Variants in PLB1 observed in about 807,000 individuals in gnomAD.
The protein encoded by PLB1 is phospholipase B1, membrane-associated.
Under a neutral mutation model 227.4 loss-of-function variants are expected in PLB1, and 242 were observed. That is an observed-to-expected ratio of 1.06 (90% CI 0.96 to 1.18). PLB1 has a LOEUF of 1.18. PLB1 is among the 50% of genes most tolerant of loss of function. PLB1 has a pLI of 0.00. For missense variants in PLB1, 1,858 were observed against 1,816.3 expected (o/e 1.02, Z -0.42); for synonymous variants, 757 against 682.2 (o/e 1.11, Z -1.71).
At chr2:28,518,395 C>T in intron 2 of PLB1, 71 bp from the exon 3 acceptor site, 6 of 1,194,792 alleles carry the variant, frequency 5.0e-6, no homozygotes, top group South Asian at 1.2e-5. Flanking sequence ...CATTTCTACA[C>T]CAAGTTTTCA....
At chr2:28,546,193 C>T (rs1027557142) in intron 14 of PLB1, among the ~76,000 whole-genome samples, 2 of 152,324 alleles carry the variant, frequency 1.3e-5, no homozygotes, top group Middle Eastern at 3.4e-3. Context: ...GTCTGGGACA[C>T]GGTTCATTCC....
intron 14 of PLB1, among the ~76,000 whole-genome samples, chr2:28,545,836 CTG>C (rs1673174473): frequency 6.6e-6 from 1 of 152,112 alleles, no homozygotes; most frequent in Admixed American, 6.5e-5. Context: ...GGGCTGCCCT[CTG>C]TGTGGGGAGC....
chr2:28,521,173 C>T (rs1215623311), intron 4 of PLB1, among the ~76,000 whole-genome samples: 8 of 152,148 alleles, frequency 5.3e-5, no homozygotes, highest in African/African-American at 1.4e-4. Context: ...TTCATTCACC[C>T]GTCAGTGGAC....
intron 49 of PLB1, among the ~76,000 whole-genome samples, chr2:28,622,850 C>G (rs930368247): frequency 2.0e-5 from 3 of 152,182 alleles, no homozygotes; most frequent in Non-Finnish European, 4.4e-5. Context: ...CGTGCCATTG[C>G]ACTCCAGCCC....
chr2:28,525,968 A>G lies in PLB1; in HGVS notation c.325+23A>G, dbSNP rs189343052. 1.1e-3 allele frequency: 1,799 copies of G among 1,613,926 alleles called. 20 individuals are homozygous for G. In the Middle Eastern group the frequency reaches 0.02, roughly 18 times the overall value. ...CAGGTGAGTTGTGGTTTTCACGGCC[A>G]GATTTCAGAGTGCCCCTCTCCTTCC... On this transcript the variant is annotated intron_variant, in intron 6 of 57. Transcript: ENST00000327757.
At chr2:28,586,064 C>T (rs181452551) in intron 26 of PLB1, among the ~76,000 whole-genome samples, 1 of 152,334 alleles carries the variant, frequency 6.6e-6, no homozygotes, top group Non-Finnish European at 1.5e-5. Flanking sequence ...CACTGAATCT[C>T]AGTTCCTGGT....
intron 57 of PLB1, among the ~76,000 whole-genome samples, chr2:28,641,999 G>T (rs540892046): frequency 3.3e-5 from 5 of 152,014 alleles, no homozygotes; most frequent in Non-Finnish European, 5.9e-5. Flanking sequence ...ACGACTGCCC[G>T]CATCCAGGCC....
At chr2:28,582,732 C>T (rs1680251684) in intron 25 of PLB1, among the ~76,000 whole-genome samples, 2 of 152,134 alleles carry the variant, frequency 1.3e-5, no homozygotes, top group Admixed American at 6.5e-5. Flanking sequence ...CCCTGCACCC[C>T]GCCTCTGTTG....
At chr2:28,541,555 G>A (rs1184094377) in intron 12 of PLB1, 152 bp from the exon 13 acceptor site, 1 of 611,652 alleles carries the variant, frequency 1.6e-6, no homozygotes, top group Non-Finnish European at 2.9e-6. Flanking sequence ...AGCCCTGAAG[G>A]GTGAGACAAG....
intron 32 of PLB1, among the ~76,000 whole-genome samples, chr2:28,593,341 T>A (rs1464998758): frequency 6.6e-6 from 1 of 152,220 alleles, no homozygotes; most frequent in African/African-American, 2.4e-5. Flanking sequence ...CGTAGGGGCA[T>A]AACGCTGGGA....
intron 1 of PLB1, among the ~76,000 whole-genome samples, chr2:28,506,328 A>G (rs1667632897): frequency 1.3e-5 from 2 of 152,154 alleles, no homozygotes; most frequent in African/African-American, 4.8e-5. Flanking sequence ...GTGAAACTCA[A>G]TTGCTCACTG....
intron 57 of PLB1, 43 bp from the exon 58 acceptor site, chr2:28,642,815 T>C: frequency 6.6e-7 from 1 of 1,504,198 alleles, no homozygotes. Context: ...TGATGGATGG[T>C]TCACGGAGAT....
At chr2:28,531,859 A>G (rs1351535250) in intron 8 of PLB1, among the ~76,000 whole-genome samples, 1 of 152,182 alleles carries the variant, frequency 6.6e-6, no homozygotes, top group Non-Finnish European at 1.5e-5. Context: ...GGGGAAATGA[A>G]ATAATTAGAT....
At chr2:28,629,442 C>T (rs1044995359) in intron 53 of PLB1, among the ~76,000 whole-genome samples, 5 of 152,234 alleles carry the variant, frequency 3.3e-5, no homozygotes, top group Non-Finnish European at 7.3e-5. Flanking sequence ...GGCTCCCTGA[C>T]ATTGTCAGTG....
In PLB1 at chr2:28,642,883, G is replaced by A. The variant is rs760214459; in HGVS notation, c.4199G>A (p.Arg1400Gln). 57 of 1,605,256 alleles carry A rather than the reference G, an allele frequency of 3.6e-5. No homozygotes were observed. Among genetic ancestry groups the A allele is most frequent in the Non-Finnish European group, 4.1e-5 (48 of 1,175,818 alleles). The change falls in exon 58 of 58, where the codon CGG becomes CAG. Residue 1400 changes from arginine (R) to glutamine (Q), a missense_variant. Physicochemically the swap from Arg to Gln is conservative, Grantham distance 43 (BLOSUM62 1). Transcript: ENST00000327757. The stretch of plus-strand genomic sequence containing the variant: ...GAGAGCCCTTACCTCTACACCCTGC[G>A]GAACAGCCGATTGCTCCCAGACCAG... ...SPESPYLYTLRNSRLLPDQAE... is the reference protein window; with the variant it reads ...SPESPYLYTLQNSRLLPDQAE...
At chr2:28,565,226 A>G (rs1208551962) in intron 18 of PLB1, 54 bp from the exon 19 acceptor site, 3 of 1,500,704 alleles carry the variant, frequency 2.0e-6, no homozygotes, top group East Asian at 4.6e-5. Context: ...AGGTAGGCAG[A>G]GGTGGGCCAC....
At chr2:28,629,674 GTACCTGGCC>G (rs2148338326) in intron 53 of PLB1, among the ~76,000 whole-genome samples, 1 of 152,314 alleles carries the variant, frequency 6.6e-6, no homozygotes, top group South Asian at 2.1e-4. Context: ...AGGAAACAAG[GTACCTGGCC>G]TACCAAGACT....
chr2:28,567,593 C>T (rs867871710), intron 20 of PLB1, among the ~76,000 whole-genome samples: 3 of 150,558 alleles, frequency 2.0e-5, no homozygotes, highest in South Asian at 4.2e-4. Context: ...CCTGCCTCAG[C>T]CTCCCGAGTA....
chr2:28,638,829 A>G (rs1423529272), intron 56 of PLB1, among the ~76,000 whole-genome samples: 10 of 100,148 alleles, frequency 1.0e-4, no homozygotes, highest in African/African-American at 5.5e-4. Flanking sequence ...TGGAGATTGA[A>G]AAAAAAAAAA....
Sources: allele counts gnomAD v4.1 joint callset (sites outside exome capture counted in the v4.1 genomes callset), GRCh38; gene constraint gnomAD v4.1.1; transcripts MANE v1.5; gene names NCBI Gene and HGNC (gene_info 2026-07-23, HGNC 2026-07-21).